SPTBN1: variants seen among roughly 807,000 people sequenced by gnomAD.
The protein encoded by SPTBN1 is spectrin beta, non-erythrocytic 1.
SPTBN1 carries 32 observed loss-of-function variants against 266.4 expected under a neutral mutation model. The observed-to-expected ratio is 0.12, with a 90% confidence interval of 0.09 to 0.16. SPTBN1 has a LOEUF of 0.16. Among genes scored for constraint, SPTBN1 ranks in the 10% least tolerant of loss-of-function variants. SPTBN1 has a pLI of 1.00. For synonymous variants in SPTBN1, 1,336 were observed against 1,162.2 expected (o/e 1.15, Z -3.04); for missense variants, 2,296 against 3,067.1 (o/e 0.75, Z 5.94).
intron 1 of SPTBN1, among the ~76,000 whole-genome samples, chr2:54,472,657 A>G (rs569394224): frequency 2.6e-5 from 4 of 151,682 alleles, no homozygotes; most frequent in Non-Finnish European, 4.4e-5. Context: ...TACAGACTTG[A>G]GCCTGATGGT....
At chr2:54,534,954 T>C (rs1671512779) in intron 2 of SPTBN1, 1 of 152,246 alleles carries the variant, frequency 6.6e-6, no homozygotes, top group Non-Finnish European at 1.5e-5. Context: ...ATTCCCCTTT[T>C]TGTCTCCTGT....
At position 54,580,617 on chromosome 2, in the gene SPTBN1, C is replaced by T. The variant is rs1174060547; in HGVS notation, c.149-18475C>T. Reference sequence around the variant, plus strand: ...ACTTTAACCAAAAAAAAAAAAAAATCTCCAAAATCTTCTCTCTTGCATTGT... The same window carrying T: ...ACTTTAACCAAAAAAAAAAAAAAATTTCCAAAATCTTCTCTCTTGCATTGT... On this transcript the variant is annotated intron_variant, in intron 2 of 35. Transcript: ENST00000356805. 2.7e-5 allele frequency among the ~76,000 whole-genome samples: 4 copies of T among 147,238 alleles called. No individual in the cohort carries two copies. The East Asian group carries it at 7.8e-4, about 29-fold the overall frequency.
rs78671748 is a variant in SPTBN1, at chr2:54,573,856, C to G, written c.149-25236C>G. 3.3e-3 allele frequency among the ~76,000 whole-genome samples: 501 copies of G among 152,210 alleles called. 1 individual carries two copies. The highest frequency in any genetic ancestry group is 0.012 in the African/African-American group (479 of 41,520). On this transcript the variant is annotated intron_variant, in intron 2 of 35. Coordinates refer to ENST00000356805, the MANE Select transcript of SPTBN1 (RefSeq NM_003128.3). ...ACAAACAAGTCAAGAGACAGGAAAA[C>G]GGATCCTGTTTTTCTAATGGGATTT... is the stretch of plus-strand genomic sequence containing the variant.
chr2:54,629,715 T>C lies in SPTBN1; in HGVS notation c.2581T>C (p.Cys861Arg), dbSNP rs780940173. ...CAAGATGTTCAGCGAGGCTGATGCC[T>C]GTGAGCTCTGGATCGACGAGAAGGA... ...LYKMFSEADACELWIDEKEQW... is the reference protein window; with the variant it reads ...LYKMFSEADARELWIDEKEQW... The change falls in exon 14 of 36, where the codon TGT (cysteine) becomes CGT (arginine). Residue 861 changes from cysteine to arginine, a missense_variant. By Grantham distance (180) the Cys-to-Arg change is radical (BLOSUM62 -3). Around this residue, in one of 12 missense-constraint regions of SPTBN1, gnomAD observed 434 missense variants for 573.9 expected, o/e 0.76. Transcript: ENST00000356805. The C allele has an allele frequency of 2.5e-6, 4 of 1,613,226 alleles. No homozygotes were observed. The highest frequency in any genetic ancestry group is 3.4e-6 in the Non-Finnish European group (4 of 1,180,030).
At chr2:54,463,290 A>G (rs544812545) in intron 1 of SPTBN1, among the ~76,000 whole-genome samples, 9 of 152,358 alleles carry the variant, frequency 5.9e-5, no homozygotes, top group East Asian at 1.9e-4. Flanking sequence ...AATAATGACA[A>G]TGAGCATGTT....
chr2:54,621,352 G>T, intron 7 of SPTBN1, 48 bp from the exon 8 acceptor site: 1 of 1,383,344 alleles, frequency 7.2e-7, no homozygotes, highest in Non-Finnish European at 1.0e-6. Flanking sequence ...ACCTGGGTGG[G>T]GCACAGTAGC....
intron 23 of SPTBN1, 52 bp from the exon 24 acceptor site, chr2:54,647,079 G>A (rs1207119601): frequency 1.7e-5 from 27 of 1,612,882 alleles, no homozygotes; most frequent in Non-Finnish European, 2.1e-5. Flanking sequence ...ACTCCTTAAG[G>A]GGTAGGGCCA....
chr2:54,616,273 T>C lies in SPTBN1; in HGVS notation c.541T>C (p.Leu181=). The change falls in exon 5 of 36, where the codon TTG becomes CTG. Residue 181 remains leucine (L), a synonymous_variant. Coordinates refer to ENST00000356805, the MANE Select transcript of SPTBN1 (RefSeq NM_003128.3). The part of the protein sequence containing the change: ...EKKSAKDALL[L]WCQMKTAGYP... ...GAAATCTGCCAAGGATGCATTGCTG[T>C]TGTGGTGCCAGATGAAGACAGCTGG... 6.2e-7 allele frequency: 1 copy of C among 1,613,936 alleles called. No homozygotes were observed. The highest frequency in any genetic ancestry group is 8.5e-7 in the Non-Finnish European group (1 of 1,179,838).
chr2:54,670,581 C>G lies in SPTBN1; in HGVS notation c.*2012C>G, dbSNP rs1681652506. 1 of 397,728 alleles carries G rather than the reference C, an allele frequency of 2.5e-6. No individual in the cohort carries two copies. Among genetic ancestry groups the G allele is most frequent in the Admixed American group, 4.4e-5 (1 of 22,680 alleles). The allele number at this position is 397,728 out of a possible 1,614,324, so 24.6% of individuals were successfully genotyped here. On this transcript the variant is annotated 3_prime_UTR_variant, in exon 36 of 36. Transcript: ENST00000356805. ...TCAAGTTGTTCTATTCTCAACAGAC[C>G]AAAATGTTTAGTTAAGGCAAAGTAT...
At chr2:54,566,278 TC>T (rs1205225480) in intron 2 of SPTBN1, among the ~76,000 whole-genome samples, 1 of 146,574 alleles carries the variant, frequency 6.8e-6, no homozygotes, top group Admixed American at 7.1e-5. Flanking sequence ...AACGTCCGCC[TC>T]CGGGTTCAAG....
At chr2:54,590,470 A>G (rs1291822469) in intron 2 of SPTBN1, among the ~76,000 whole-genome samples, 1 of 152,224 alleles carries the variant, frequency 6.6e-6, no homozygotes. Context: ...AGCTCTAAAC[A>G]TGAATAGGAT....
chr2:54,485,751 C>T (rs1393436722), intron 1 of SPTBN1, among the ~76,000 whole-genome samples: 5 of 151,384 alleles, frequency 3.3e-5, no homozygotes, highest in African/African-American at 7.3e-5. Context: ...GTGAGGAGCG[C>T]CTCTTCCCGG....
intron 1 of SPTBN1, among the ~76,000 whole-genome samples, chr2:54,494,232 T>C (rs1387525005): frequency 1.3e-5 from 2 of 152,230 alleles, no homozygotes; most frequent in Non-Finnish European, 1.5e-5. Flanking sequence ...AAGTGACTCA[T>C]CATCCCTTTT....
rs1046726791 is a variant in SPTBN1 at position 54,558,041 on chromosome 2, C to A, written c.148+31475C>A. On this transcript the variant is annotated intron_variant, in intron 2 of 35. Transcript: ENST00000356805. The surrounding 1 kb of genome is among the most constrained non-coding windows in gnomAD (Gnocchi z 4.6). ...CCTTGGGGCTCTTCACTCTCCAGGCCGTCCCGTGGGCGCGCTAGCCTTTTC... is the reference window on the plus strand; with the variant it reads ...CCTTGGGGCTCTTCACTCTCCAGGCAGTCCCGTGGGCGCGCTAGCCTTTTC... 1.0e-6 allele frequency: 1 copy of A among 985,308 alleles called. No individual in the cohort carries two copies. Among genetic ancestry groups the A allele is most frequent in the Non-Finnish European group, 1.2e-6 (1 of 829,938 alleles). The allele number at this position is 985,308 out of a possible 1,614,324, so 61.0% of individuals were successfully genotyped here.
chr2:54,456,554 C>T (rs925326505), intron 1 of SPTBN1, 36 bp downstream of exon 1: 1 of 151,950 alleles, frequency 6.6e-6, no homozygotes, highest in Non-Finnish European at 1.5e-5. Context: ...GATGCCAACT[C>T]ACTGGGGCTG....
Position 54,653,686 on chromosome 2 carries a change from C to G in SPTBN1, c.5655C>G (p.Arg1885=). ...AGDKADDIQK[R]ENEVLEAWKS... is the part of the protein sequence containing the mutation. ...ACAAGGCCGACGATATCCAGAAGCG[C>G]GAGAACGAGGTCCTGGAAGCCTGGA... Residue 1885 remains arginine (R), a synonymous_variant, in exon 27 of 36, where the codon CGC becomes CGG. Coordinates refer to ENST00000356805, the MANE Select transcript of SPTBN1 (RefSeq NM_003128.3). This position sits in a 1 kb window ranked among gnomAD's most constrained non-coding sequence, Gnocchi z 5.1. 11 of 1,614,142 alleles carry G rather than the reference C, an allele frequency of 6.8e-6. No individual in the cohort carries two copies. The highest frequency in any genetic ancestry group is 9.3e-6 in the Non-Finnish European group (11 of 1,180,012).
rs1681648328 is a variant in SPTBN1 at position 54,670,404 on chromosome 2, C to G, written c.*1835C>G. On this transcript the variant is annotated 3_prime_UTR_variant, in exon 36 of 36. Coordinates refer to ENST00000356805, the MANE Select transcript of SPTBN1 (RefSeq NM_003128.3). ...GTCCAGTAAGTTATTCCACAAAGAC[C>G]ATGCCTAAGGTGGCATCAGCCCTGG... is the stretch of plus-strand genomic sequence containing the variant. 1 of 313,254 alleles carries G rather than the reference C, an allele frequency of 3.2e-6. No individual in the cohort carries two copies. The highest frequency in any genetic ancestry group is 5.0e-5 in the Admixed American group (1 of 20,074). The allele number at this position is 313,254 out of a possible 1,614,324, so 19.4% of individuals were successfully genotyped here.
At chr2:54,519,620 T>C (rs1288609499) in intron 1 of SPTBN1, among the ~76,000 whole-genome samples, 3 of 152,194 alleles carry the variant, frequency 2.0e-5, no homozygotes, top group African/African-American at 7.2e-5. Flanking sequence ...TCGTGAAGAA[T>C]CTCATTTTCT....
At chr2:54,509,489 C>T (rs1389556739) in intron 1 of SPTBN1, among the ~76,000 whole-genome samples, 1 of 152,254 alleles carries the variant, frequency 6.6e-6, no homozygotes, top group African/African-American at 2.4e-5. Context: ...AGGGCAGCGG[C>T]AGCTGCTGCA....
Sources: gnomAD v4.1 joint callset for allele counts (sites outside exome capture counted in the v4.1 genomes callset) on GRCh38, gnomAD v4.1.1 for gene constraint, gnomAD v4.1.1 regional missense constraint, Gnocchi (gnomAD v3.1) non-coding constraint, MANE v1.5 for transcripts, NCBI Gene and HGNC (gene_info 2026-07-23, HGNC 2026-07-21) for gene names.